Variants in SLC39A9 observed in about 807,000 individuals in gnomAD.
The protein encoded by SLC39A9 is solute carrier family 39 member 9.
In SLC39A9, 14 loss-of-function variants were observed where a neutral mutation model predicts 28.4. That is an observed-to-expected ratio of 0.49 (90% confidence interval 0.33 to 0.77). The LOEUF (loss-of-function observed/expected upper bound fraction) is 0.77, where lower values mean the gene tolerates loss of function less well. SLC39A9 is among the 30% of genes least tolerant of loss of function. SLC39A9 has a pLI of 0.02. For missense variants in SLC39A9, 283 were observed against 381.1 expected (o/e 0.74, Z 2.14); for synonymous variants, 119 against 149.6 (o/e 0.80, Z 1.49).
rs61361699 is a variant in SLC39A9 at position 69,459,556 on chromosome 14, G to GTTTTTTTTTTTT, written c.*966_*977dup. The GTTTTTTTTTTTT allele has an allele frequency of 1.3e-6, 1 of 778,678 alleles. No homozygotes were observed. Among genetic ancestry groups the GTTTTTTTTTTTT allele is most frequent in the African/African-American group, 2.0e-5 (1 of 49,764 alleles). 48.2% of individuals were successfully genotyped at this position (778,678 alleles called of 1,614,324 possible). A position where few individuals can be genotyped will look rare whatever the true frequency, so the allele number is the denominator to read the frequency against. Reference sequence around the variant, plus strand: ...AAATGTATGGTTGTCCTTTTTTTTTGTTTTTTTTTTTTTTAATTATTTCTC... The same window carrying GTTTTTTTTTTTT: ...AAATGTATGGTTGTCCTTTTTTTTTGTTTTTTTTTTTTTTTTTTTTTTTTTTAATTATTTCTC... On this transcript the variant is annotated 3_prime_UTR_variant, in exon 7 of 7. Transcript: ENST00000336643.
intron 1 of SLC39A9, among the ~76,000 whole-genome samples, chr14:69,419,950 C>T (rs978800514): frequency 1.3e-5 from 2 of 152,156 alleles, no homozygotes; most frequent in African/African-American, 4.8e-5. Flanking sequence ...ACTCTTTATT[C>T]AATTTGCCAG....
At chr14:69,445,085 A>G (rs1341819137) in intron 3 of SLC39A9, among the ~76,000 whole-genome samples, 1 of 152,122 alleles carries the variant, frequency 6.6e-6, no homozygotes, top group Admixed American at 6.5e-5. Flanking sequence ...ATGATCATCT[A>G]GCATATACTA....
At chr14:69,432,722 G>A (rs1215021064) in intron 2 of SLC39A9, among the ~76,000 whole-genome samples, 1 of 152,126 alleles carries the variant, frequency 6.6e-6, no homozygotes, top group African/African-American at 2.4e-5. Flanking sequence ...GTTAGTTTTT[G>A]TATTTGGTAA....
In SLC39A9 at chr14:69,459,694, C is replaced by T. The variant is rs1037882737; in HGVS notation, c.*1101C>T. 1 of 984,812 alleles carries T rather than the reference C, an allele frequency of 1.0e-6. No homozygotes were observed. Among genetic ancestry groups the T allele is most frequent in the African/African-American group, 1.7e-5 (1 of 57,212 alleles). The allele number at this position is 984,812 out of a possible 1,614,324, so 61.0% of individuals were successfully genotyped here. On this transcript the variant is annotated 3_prime_UTR_variant, in exon 7 of 7. Transcript: ENST00000336643. ...ATGGATCATAAATGAGAAGTGTTTGCCTATTGATTTAAAGCTTATTGGAAT... is the reference window on the plus strand; with the variant it reads ...ATGGATCATAAATGAGAAGTGTTTGTCTATTGATTTAAAGCTTATTGGAAT...
Position 69,460,545 on chromosome 14 carries a change from T to C in SLC39A9, c.*1952T>C. ...ACTTTGTCAAATAAATAGCAGATTG[T>C]AGTGTCTGGTTTGGTTTGGACAGTA... On this transcript the variant is annotated 3_prime_UTR_variant, in exon 7 of 7. Transcript: ENST00000336643. 1.0e-6 allele frequency: 1 copy of C among 985,442 alleles called. No homozygotes were observed. The allele number at this position is 985,442 out of a possible 1,614,324, so 61.0% of individuals were successfully genotyped here. A position where few individuals can be genotyped will look rare whatever the true frequency, so the allele number is the denominator to read the frequency against.
chr14:69,430,033 CA>C (rs1223703024), intron 2 of SLC39A9, among the ~76,000 whole-genome samples: 1 of 152,080 alleles, frequency 6.6e-6, no homozygotes, highest in East Asian at 1.9e-4. Context: ...ACATTTTGTT[CA>C]TTTTAAAAAT....
rs186428485 is a variant in SLC39A9 at position 69,461,640 on chromosome 14, T to G, written c.*3047T>G. 4.3e-4 allele frequency: 597 copies of G among 1,400,260 alleles called. 2 individuals carry two copies. The African/African-American group carries it at 7.8e-3, about 18-fold the overall frequency. The allele number at this position is 1,400,260 out of a possible 1,614,324, so 86.7% of individuals were successfully genotyped here. On this transcript the variant is annotated 3_prime_UTR_variant, in exon 7 of 7. Transcript: ENST00000336643. ...GCAGAAAGGAGAAAATGTGATTGTG[T>G]TTTTTTTTTACCAGCCTACTTCTAA...
At chr14:69,455,947 CA>C (rs2139456650) in intron 6 of SLC39A9, 81 bp downstream of exon 6, 2 of 1,497,836 alleles carry the variant, frequency 1.3e-6, no homozygotes, top group East Asian at 2.3e-5. Flanking sequence ...TGAATTTTTC[CA>C]ATACATTACT....
At chr14:69,455,541 A>G (rs1885816403) in intron 5 of SLC39A9, among the ~76,000 whole-genome samples, 191 bp from the exon 6 acceptor site, 1 of 152,096 alleles carries the variant, frequency 6.6e-6, no homozygotes, top group African/African-American at 2.4e-5. Flanking sequence ...GCTGGTCTCG[A>G]ACTCCTGACC....
chr14:69,405,011 T>C (rs1199295270), intron 1 of SLC39A9, among the ~76,000 whole-genome samples: 1 of 152,160 alleles, frequency 6.6e-6, no homozygotes, highest in African/African-American at 2.4e-5. Context: ...TCCTTCTTCA[T>C]GGGGCGGCAG....
intron 4 of SLC39A9, among the ~76,000 whole-genome samples, chr14:69,454,492 T>C (rs1412512324): frequency 6.6e-6 from 1 of 152,258 alleles, no homozygotes; most frequent in Non-Finnish European, 1.5e-5. Flanking sequence ...TTTGATTAAC[T>C]AATCAATGGA....
At chr14:69,409,164 A>G (rs1883107092) in intron 1 of SLC39A9, among the ~76,000 whole-genome samples, 1 of 152,254 alleles carries the variant, frequency 6.6e-6, no homozygotes, top group South Asian at 2.1e-4. Flanking sequence ...ATTATCTATT[A>G]TCCAACTGTT....
chr14:69,449,380 T>A (rs888448867), intron 3 of SLC39A9, among the ~76,000 whole-genome samples: 1 of 152,134 alleles, frequency 6.6e-6, no homozygotes, highest in Non-Finnish European at 1.5e-5. Flanking sequence ...TCCCAAGCGA[T>A]TTGGGAGGCC....
rs1031805633 is a variant in SLC39A9, at chr14:69,461,221, A to C, written c.*2628A>C. 1 of 987,456 alleles carries C rather than the reference A, an allele frequency of 1.0e-6. No individual in the cohort carries two copies. The highest frequency in any genetic ancestry group is 4.7e-5 in the South Asian group (1 of 21,424). 61.2% of individuals were successfully genotyped at this position (987,456 alleles called of 1,614,324 possible). A position where few individuals can be genotyped will look rare whatever the true frequency, so the allele number is the denominator to read the frequency against. ...ATAACCAAAGTTAATCTTAATTGCA[A>C]TTTGACTCCGTTTCCTTGGTAGGGA... On this transcript the variant is annotated 3_prime_UTR_variant, in exon 7 of 7. Coordinates refer to ENST00000336643, the MANE Select transcript of SLC39A9 (RefSeq NM_018375.5).
At chr14:69,402,253 A>T (rs1271121969) in intron 1 of SLC39A9, among the ~76,000 whole-genome samples, 1 of 152,102 alleles carries the variant, frequency 6.6e-6, no homozygotes, top group East Asian at 1.9e-4. Flanking sequence ...AAAAAAACTC[A>T]TAATGTTTTA....
At chr14:69,435,933 A>G (rs1323398153) in intron 2 of SLC39A9, among the ~76,000 whole-genome samples, 1 of 152,128 alleles carries the variant, frequency 6.6e-6, no homozygotes, top group African/African-American at 2.4e-5. Flanking sequence ...TTGGCCTCCA[A>G]AAGTGCTGGG....
At chr14:69,430,638 T>C (rs1483632211) in intron 2 of SLC39A9, among the ~76,000 whole-genome samples, 2 of 150,728 alleles carry the variant, frequency 1.3e-5, no homozygotes, top group Non-Finnish European at 3.0e-5. Flanking sequence ...CTTTTTTTTT[T>C]TTTTTCTTGA....
Position 69,398,721 on chromosome 14 carries a change from C to G in SLC39A9, c.-649C>G, listed in dbSNP as rs185652184. The G allele has an allele frequency of 4.4e-6, 1 of 227,336 alleles. No homozygotes were observed. The highest frequency in any genetic ancestry group is 4.8e-5 in the South Asian group (1 of 20,654). The allele number at this position is 227,336 out of a possible 1,614,324, so 14.1% of individuals were successfully genotyped here. A position where few individuals can be genotyped will look rare whatever the true frequency, so the allele number is the denominator to read the frequency against. ...AGATGCCACTTGGCGGCCATGGCAGCTGTAGTATCGGCGACTCCGGGTCAA... is the reference window on the plus strand; with the variant it reads ...AGATGCCACTTGGCGGCCATGGCAGGTGTAGTATCGGCGACTCCGGGTCAA... On this transcript the variant is annotated 5_prime_UTR_variant, in exon 1 of 7. Coordinates refer to ENST00000336643, the MANE Select transcript of SLC39A9 (RefSeq NM_018375.5).
intron 6 of SLC39A9, among the ~76,000 whole-genome samples, chr14:69,457,175 C>CAT (rs145943038): frequency 0.21 from 31,241 of 150,434 alleles, 3,437 homozygotes; most frequent in Middle Eastern, 0.28. Context: ...ATGAGATATA[C>CAT]ATATATATAC....
Sources: gnomAD v4.1 joint callset for allele counts (sites outside exome capture counted in the v4.1 genomes callset) on GRCh38, gnomAD v4.1.1 for gene constraint, MANE v1.5 for transcripts, NCBI Gene and HGNC (gene_info 2026-07-23, HGNC 2026-07-21) for gene names.